Variants in LAMC3 observed in about 807,000 individuals in gnomAD.
LAMC3 encodes the protein laminin subunit gamma-3.
LAMC3 carries 128 observed loss-of-function variants against 173.8 expected under a neutral mutation model. The ratio of observed to expected loss-of-function variants is 0.74; its 90% CI spans 0.64 to 0.85. LAMC3 has a LOEUF of 0.85. Among genes scored for constraint, LAMC3 ranks in the 40% least tolerant of loss-of-function variants. LAMC3 has a pLI of 0.00. For missense variants in LAMC3, 2,022 were observed against 2,156.0 expected, an observed-to-expected ratio of 0.94 and a Z score of 1.23; for synonymous variants, 897 against 909.1, an observed-to-expected ratio of 0.99 and a Z score of 0.24.
Position 131,072,737 on chromosome 9 carries a change from G to A in LAMC3, c.3319G>A (p.Gly1107Arg), listed in dbSNP as rs144118534. Residue 1107 changes from glycine (G) to arginine (R), a missense_variant, in exon 19 of 28, where the codon GGA becomes AGA. Coordinates refer to ENST00000361069, the MANE Select transcript of LAMC3 (RefSeq NM_006059.4). ...CAAGGGTGCCCGCTGTGCCCAGGCCGGATCCCAGAAGACCTGCACCCAGCT... is the reference window on the plus strand; with the variant it reads ...CAAGGGTGCCCGCTGTGCCCAGGCCAGATCCCAGAAGACCTGCACCCAGCT... Reference protein sequence around the residue: ...LNKGARCAQAGSQKTCTQLAD... With the variant: ...LNKGARCAQARSQKTCTQLAD... The A allele has an allele frequency of 2.3e-4, 368 of 1,612,740 alleles. 1 individual carries two copies. The highest frequency in any genetic ancestry group is 1.5e-3 in the African/African-American group (111 of 75,020).
chr9:131,067,091 CT>C lies in LAMC3; in HGVS notation c.2480del (p.Leu827ArgfsTer57), dbSNP rs1334057595. On this transcript the variant is annotated frameshift_variant, in exon 14 of 28. Coordinates refer to ENST00000361069, the MANE Select transcript of LAMC3 (RefSeq NM_006059.4). LOFTEE classifies it high-confidence loss of function. ...CAATGCCGTGGGCAACTGTGACCCC[CT>C]GTCTGGCCACTGCCTGCGCTGCCTG... is the stretch of plus-strand genomic sequence containing the variant. ...DPNAVGNCDP[L>X]SGHCLRCLHN... 3 of 1,614,180 alleles carry C rather than the reference CT, an allele frequency of 1.9e-6. No individual in the cohort carries two copies. Among genetic ancestry groups the C allele is most frequent in the South Asian group, 1.1e-5 (1 of 91,078 alleles).
chr9:131,036,912 C>A (rs1833955850), intron 4 of LAMC3, among the ~76,000 whole-genome samples: 1 of 152,252 alleles, frequency 6.6e-6, no homozygotes, highest in Non-Finnish European at 1.5e-5. Flanking sequence ...TTCCTCCAGG[C>A]TCTCCATGCA....
intron 6 of LAMC3, among the ~76,000 whole-genome samples, chr9:131,040,767 C>T (rs1057149558): frequency 5.3e-5 from 8 of 152,130 alleles, no homozygotes; most frequent in African/African-American, 1.9e-4. Context: ...GCCCCGCTCT[C>T]GGGACACCTT....
intron 11 of LAMC3, among the ~76,000 whole-genome samples, chr9:131,053,213 T>C (rs1164356784): frequency 6.6e-6 from 1 of 152,188 alleles, no homozygotes; most frequent in Non-Finnish European, 1.5e-5. Flanking sequence ...AGGATGGGCC[T>C]CAGAGGCAGG....
intron 11 of LAMC3, among the ~76,000 whole-genome samples, chr9:131,055,672 G>A (rs1001231270): frequency 9.2e-5 from 14 of 151,584 alleles, no homozygotes; most frequent in Admixed American, 2.0e-4. Context: ...TGATTCGCCC[G>A]CCTCAGCCTC....
intron 12 of LAMC3, 24 bp downstream of exon 12, chr9:131,057,171 G>A (rs1033711403): frequency 2.9e-5 from 46 of 1,597,822 alleles, no homozygotes; most frequent in Admixed American, 6.7e-5. Flanking sequence ...CACCCCATCC[G>A]AAGGCACCTG....
rs1373255983 is a variant in LAMC3, at chr9:131,039,066, A to C, written c.1165+14A>C. On this transcript the variant is annotated intron_variant, in intron 5 of 27. Transcript: ENST00000361069. The stretch of plus-strand genomic sequence containing the variant: ...GCCAGTCGGCAGGTGAGTGGACTCC[A>C]CATCCCCAGCCTCCGACCCTCTCCC... The C allele has an allele frequency of 6.2e-7, 1 of 1,612,772 alleles. No individual in the cohort carries two copies. The highest frequency in any genetic ancestry group is 1.3e-5 in the African/African-American group (1 of 74,912).
chr9:131,032,346 T>A (rs1179811177), intron 3 of LAMC3, among the ~76,000 whole-genome samples, 171 bp downstream of exon 3: 2 of 152,064 alleles, frequency 1.3e-5, no homozygotes, highest in East Asian at 1.9e-4. Context: ...CCAGCCCACC[T>A]CCTGCCGGGT....
intron 1 of LAMC3, chr9:131,021,297 A>T (rs1833619602): frequency 3.3e-5 from 5 of 152,184 alleles, no homozygotes; most frequent in Admixed American, 2.6e-4. Flanking sequence ...GGGCTGTCAA[A>T]TAGATGCATT....
chr9:131,032,012 C>G, intron 2 of LAMC3, 33 bp from the exon 3 acceptor site: 4 of 1,614,048 alleles, frequency 2.5e-6, no homozygotes, highest in Non-Finnish European at 3.4e-6. Flanking sequence ...TACTCAGGAA[C>G]CTGCTGATGG....
intron 1 of LAMC3, among the ~76,000 whole-genome samples, chr9:131,012,873 A>C (rs1218116243): frequency 6.6e-6 from 1 of 152,178 alleles, no homozygotes; most frequent in Admixed American, 6.5e-5. Flanking sequence ...CCGCATTCCC[A>C]GCCCCCCGTG....
chr9:131,045,552 C>T lies in LAMC3; in HGVS notation c.1411C>T (p.Pro471Ser). Residue 471 changes from proline to serine, a missense_variant, in exon 8 of 28, where the codon CCC becomes TCC. Physicochemically the swap from Pro to Ser is moderately conservative, Grantham distance 74. Transcript: ENST00000361069. ...TCGCCCGGGGACCTTTAACCTGCAG[C>T]CCCACAATCCAGCTGGCTGCAGCAG... The part of the protein sequence containing the change: ...RCRPGTFNLQ[P>S]HNPAGCSSCF... 2 of 1,613,974 alleles carry T rather than the reference C, an allele frequency of 1.2e-6. No individual in the cohort carries two copies. The highest frequency in any genetic ancestry group is 1.6e-4 in the Middle Eastern group (1 of 6,062).
At chr9:131,023,128 A>G (rs1275047476) in intron 1 of LAMC3, among the ~76,000 whole-genome samples, 2 of 152,174 alleles carry the variant, frequency 1.3e-5, no homozygotes, top group African/African-American at 4.8e-5. Flanking sequence ...TAGCCCAATC[A>G]TATTCCATCA....
At chr9:131,021,933 C>T (rs1833633017) in intron 1 of LAMC3, among the ~76,000 whole-genome samples, 1 of 152,152 alleles carries the variant, frequency 6.6e-6, no homozygotes. Context: ...CTGGGTGCCA[C>T]CCTCCAGGAA....
At chr9:131,022,072 C>T (rs1042504505) in intron 1 of LAMC3, among the ~76,000 whole-genome samples, 2 of 152,082 alleles carry the variant, frequency 1.3e-5, no homozygotes, top group Non-Finnish European at 2.9e-5. Context: ...TTAAGACCCA[C>T]GGTCAGAAAG....
chr9:131,033,706 C>T (rs543334987), intron 3 of LAMC3, among the ~76,000 whole-genome samples: 11 of 152,206 alleles, frequency 7.2e-5, no homozygotes, highest in East Asian at 1.9e-4. Flanking sequence ...GGAATCGAGG[C>T]GGGAGGCGGC....
intron 9 of LAMC3, among the ~76,000 whole-genome samples, chr9:131,050,788 AAAG>A (rs200651727): frequency 0.02 from 3,030 of 152,096 alleles, 115 homozygotes; most frequent in African/African-American, 0.07. Flanking sequence ...AAAAAAAAAA[AAAG>A]AGTATTTAAT....
rs189029595 is a variant in LAMC3 at position 131,049,604 on chromosome 9, G to A, written c.1630+474G>A. Among the ~76,000 whole-genome samples, 575 of 152,268 alleles carry A rather than the reference G, an allele frequency of 3.8e-3. 4 individuals are homozygous for A. Among genetic ancestry groups the A allele is most frequent in the Non-Finnish European group, 6.7e-3 (458 of 68,026 alleles). On this transcript the variant is annotated intron_variant, in intron 9 of 27. Transcript: ENST00000361069. ...TATGGATTCCAGGGATTAGAATGTG[G>A]ATGCCTTGGGAAGGCTGTTATTCTG... is the stretch of plus-strand genomic sequence containing the variant.
intron 8 of LAMC3, among the ~76,000 whole-genome samples, chr9:131,046,091 AGTAACTGAGACCTACAAAAG>A (rs1287418922): frequency 6.6e-6 from 1 of 151,940 alleles, no homozygotes; most frequent in Non-Finnish European, 1.5e-5. Flanking sequence ...TCAATGATGA[AGTAACTGAGACCTACAAAAG>A]GTAGGCCACT....
Sources: allele counts gnomAD v4.1 joint callset (sites outside exome capture counted in the v4.1 genomes callset), GRCh38; gene constraint gnomAD v4.1.1; transcripts MANE v1.5; gene names NCBI Gene and HGNC (gene_info 2026-07-23, HGNC 2026-07-21).